The following CXCL13 variants were observed in gnomAD, a reference collection of about 807,000 sequenced individuals.
The protein encoded by CXCL13 is C-X-C motif chemokine 13.
CXCL13 carries 7 observed loss-of-function variants against 12.2 expected under a neutral mutation model. The observed-to-expected ratio is 0.57, with a 90% CI of 0.33 to 1.07. The LOEUF (loss-of-function observed/expected upper bound fraction) is 1.07, where lower values mean the gene tolerates loss of function less well. CXCL13 is among the 50% of genes least tolerant of loss of function. CXCL13 has a pLI of 0.04. For synonymous variants in CXCL13, 47 were observed against 42.4 expected (o/e 1.11, Z -0.42); for missense variants, 113 against 127.4 (o/e 0.89, Z 0.55).
intron 1 of CXCL13, among the ~76,000 whole-genome samples, chr4:77,544,435 T>C (rs6839399): frequency 0.42 from 63,138 of 151,898 alleles, 13,656 homozygotes; most frequent in African/African-American, 0.53. Flanking sequence ...TAATGATCAC[T>C]ATTCTAACTG....
intron 1 of CXCL13, among the ~76,000 whole-genome samples, chr4:77,580,757 C>T (rs1578063361): frequency 8.8e-6 from 1 of 113,758 alleles, no homozygotes; most frequent in African/African-American, 3.4e-5. Context: ...TTCCCCTCCC[C>T]TCCTCTCCCT....
Position 77,572,440 on chromosome 4 carries a change from A to G in CXCL13, c.-42-33384A>G, listed in dbSNP as rs1578059865. On this transcript the variant is annotated intron_variant, in intron 1 of 4. Transcript: ENST00000286758. Reference sequence around the variant, plus strand: ...TAGTGGACAAAGGACATGAACAGACACTTTTCAAAAGAAGACATACATGTG... The same window carrying G: ...TAGTGGACAAAGGACATGAACAGACGCTTTTCAAAAGAAGACATACATGTG... 2.6e-5 allele frequency among the ~76,000 whole-genome samples: 4 copies of G among 151,892 alleles called. 1 individual carries two copies. In the South Asian group the frequency reaches 8.3e-4, roughly 32 times the overall value.
chr4:77,560,779 G>C (rs572692807), intron 1 of CXCL13, among the ~76,000 whole-genome samples: 51 of 152,314 alleles, frequency 3.3e-4, no homozygotes, highest in African/African-American at 1.2e-3. Flanking sequence ...GTACATAGGA[G>C]ACATTTAGAA....
At chr4:77,544,284 A>G (rs1009192060) in intron 1 of CXCL13, among the ~76,000 whole-genome samples, 3 of 152,158 alleles carry the variant, frequency 2.0e-5, no homozygotes, top group Non-Finnish European at 2.9e-5. Flanking sequence ...GCTGGGTCAA[A>G]TGGTATTTCT....
At position 77,553,376 on chromosome 4, in the gene CXCL13, A is replaced by T. The variant is rs537397055; in HGVS notation, c.-43+41588A>T. ...CTGCTGGGTTGCCAAAGAATGGCAG[A>T]CTTTGTATGTGCCTGGGTTAAAAAT... On this transcript the variant is annotated intron_variant, in intron 1 of 4. Coordinates refer to the CXCL13 transcript ENST00000286758. Among the ~76,000 whole-genome samples the T allele has an allele frequency of 1.8e-4, 27 of 152,326 alleles. No homozygotes were observed. The East Asian group carries it at 5.2e-3, about 29-fold the overall frequency.
intron 1 of CXCL13, among the ~76,000 whole-genome samples, chr4:77,574,904 A>G (rs1451379157): frequency 1.3e-5 from 2 of 152,006 alleles, no homozygotes; most frequent in African/African-American, 4.9e-5. Flanking sequence ...TTGAGAAATA[A>G]AAACAGCCTT....
chr4:77,554,653 T>C (rs539217534), intron 1 of CXCL13, among the ~76,000 whole-genome samples: 1 of 152,124 alleles, frequency 6.6e-6, no homozygotes, highest in Non-Finnish European at 1.5e-5. Flanking sequence ...ATATACATTA[T>C]TTTCAGATGC....
chr4:77,562,606 A>T (rs1007567740), intron 1 of CXCL13, among the ~76,000 whole-genome samples: 2 of 142,602 alleles, frequency 1.4e-5, no homozygotes, highest in African/African-American at 6.2e-5. Flanking sequence ...GTCTAGCTCA[A>T]GGTTTGTAAA....
intron 1 of CXCL13, among the ~76,000 whole-genome samples, chr4:77,521,072 T>C (rs1375734072): frequency 6.6e-6 from 1 of 152,190 alleles, no homozygotes; most frequent in African/African-American, 2.4e-5. Flanking sequence ...GAAGCCAACT[T>C]GATCGTGTTG....
intron 1 of CXCL13, among the ~76,000 whole-genome samples, chr4:77,516,616 T>C (rs1363880083): frequency 1.6e-4 from 23 of 146,646 alleles, no homozygotes; most frequent in Admixed American, 2.7e-4. Context: ...TAGTATTCTC[T>C]GATGGTAGTT....
At chr4:77,588,408 C>T (rs1309452939) in intron 1 of CXCL13, among the ~76,000 whole-genome samples, 1 of 152,220 alleles carries the variant, frequency 6.6e-6, no homozygotes, top group Non-Finnish European at 1.5e-5. Flanking sequence ...GGTGTGACAC[C>T]TGTCCACCTT....
chr4:77,535,258 T>A (rs934322572), intron 1 of CXCL13, among the ~76,000 whole-genome samples: 1 of 152,242 alleles, frequency 6.6e-6, no homozygotes, highest in Non-Finnish European at 1.5e-5. Flanking sequence ...CATTCATTTA[T>A]ACTGTAAGCC....
chr4:77,533,733 G>A (rs1290388837), intron 1 of CXCL13, among the ~76,000 whole-genome samples: 1 of 152,172 alleles, frequency 6.6e-6, no homozygotes, highest in Non-Finnish European at 1.5e-5. Context: ...CTCAGCAATG[G>A]CGGGCACCCC....
intron 1 of CXCL13, among the ~76,000 whole-genome samples, chr4:77,587,062 C>T (rs1275089789): frequency 6.6e-6 from 1 of 152,164 alleles, no homozygotes; most frequent in African/African-American, 2.4e-5. Flanking sequence ...ACTCCTAACT[C>T]AGGAACCTAG....
chr4:77,592,598 C>A (rs1726640385), intron 1 of CXCL13, among the ~76,000 whole-genome samples: 1 of 151,066 alleles, frequency 6.6e-6, no homozygotes. Context: ...TATAGTTTGT[C>A]AATATATAAT....
intron 1 of CXCL13, among the ~76,000 whole-genome samples, chr4:77,606,745 T>C (rs1439872659): frequency 1.3e-5 from 2 of 152,224 alleles, no homozygotes; most frequent in South Asian, 2.1e-4. Context: ...TACAACCTTC[T>C]GTGGTATTTT....
chr4:77,546,583 C>T (rs1725370292), intron 1 of CXCL13, among the ~76,000 whole-genome samples: 1 of 152,130 alleles, frequency 6.6e-6, no homozygotes, highest in Admixed American at 6.6e-5. Context: ...TCTGTGGGAT[C>T]AGTGGTGATA....
chr4:77,525,990 A>G (rs7669299), intron 1 of CXCL13, among the ~76,000 whole-genome samples: 24,331 of 151,544 alleles, frequency 0.16, 6,216 homozygotes, highest in African/African-American at 0.54. Flanking sequence ...CAACATGACA[A>G]ACAATGAGCA....
intron 1 of CXCL13, among the ~76,000 whole-genome samples, chr4:77,573,289 A>G (rs1726130628): frequency 6.6e-6 from 1 of 151,414 alleles, no homozygotes; most frequent in African/African-American, 2.4e-5. Context: ...ATTTGAATCC[A>G]CTTATATTTT....
Sources: allele counts gnomAD v4.1 joint callset (sites outside exome capture counted in the v4.1 genomes callset), GRCh38; gene constraint gnomAD v4.1.1; transcripts MANE v1.5; gene names NCBI Gene and HGNC (gene_info 2026-07-23, HGNC 2026-07-21).